Variants in CEP63 observed in about 807,000 individuals in gnomAD.
The protein encoded by CEP63 is centrosomal protein 63.
CEP63 carries 84 observed loss-of-function variants against 89.1 expected under a neutral mutation model. That is an observed-to-expected ratio of 0.94 (90% CI 0.79 to 1.13). CEP63 has a LOEUF of 1.13. Among genes scored for constraint, CEP63 ranks in the 50% most tolerant of loss-of-function variants. The probability of loss-of-function intolerance (pLI) is 0.00; values close to 1 mark genes in which losing one functional copy is unlikely to be tolerated. For missense variants in CEP63, 838 were observed against 813.3 expected, an observed-to-expected ratio of 1.03 and a Z score of -0.37; for synonymous variants, 267 against 272.5, an observed-to-expected ratio of 0.98 and a Z score of 0.20.
the CEP63 span, among the ~76,000 whole-genome samples, chr3:134,659,031 A>G: frequency 2.0e-5 from 3 of 152,180 alleles, no homozygotes; most frequent in Non-Finnish European, 4.4e-5. Flanking sequence ...CTTGCATATA[A>G]TAATGTGCAA....
At chr3:134,727,672 G>A in the CEP63 span, among the ~76,000 whole-genome samples, 3 of 152,102 alleles carry the variant, frequency 2.0e-5, no homozygotes, top group Non-Finnish European at 2.9e-5. Flanking sequence ...ATATTCATAC[G>A]GTAGCTTAAA....
Position 134,525,858 on chromosome 3 carries a change from C to T in CEP63, c.223-5987C>T, listed in dbSNP as rs115495097. Among the ~76,000 whole-genome samples, 735 of 152,228 alleles carry T rather than the reference C, an allele frequency of 4.8e-3. 7 individuals carry two copies. Among genetic ancestry groups the T allele is most frequent in the African/African-American group, 0.017 (703 of 41,538 alleles). Reference sequence around the variant, plus strand: ...TGACCTGATCTTTCTCTCTGGCTGCCGTTAACATTTTTTTCCTTAGTTTCA... The same window carrying T: ...TGACCTGATCTTTCTCTCTGGCTGCTGTTAACATTTTTTTCCTTAGTTTCA... On this transcript the variant is annotated intron_variant, in intron 3 of 14. Transcript: ENST00000675561.
At chr3:134,590,391 C>T (rs1958576560), downstream of CEP63, among the ~76,000 whole-genome samples, 1 of 152,106 alleles carries the variant, frequency 6.6e-6, no homozygotes, top group South Asian at 2.1e-4. Flanking sequence ...TATTTCTACT[C>T]ATTAGAAATA....
At chr3:134,521,674 C>G (rs1003740237) in intron 3 of CEP63, among the ~76,000 whole-genome samples, 1 of 152,294 alleles carries the variant, frequency 6.6e-6, no homozygotes, top group East Asian at 1.9e-4. Flanking sequence ...ACTAGAAGAT[C>G]TGTGAATATC....
chr3:134,710,105 T>TGGCCTGGGACCTC, the CEP63 span, among the ~76,000 whole-genome samples: 1 of 152,214 alleles, frequency 6.6e-6, no homozygotes, highest in Non-Finnish European at 1.5e-5. Context: ...AGTTCCCAGC[T>TGGCCTGGGACCTC]GGCCTGGGAC....
chr3:134,749,368 G>A, the CEP63 span, among the ~76,000 whole-genome samples: 1 of 152,134 alleles, frequency 6.6e-6, no homozygotes, highest in Non-Finnish European at 1.5e-5. Context: ...TTTTGGCTGG[G>A]GTGGACTGGG....
chr3:134,564,370 C>G lies in CEP63; in HGVS notation c.*2835C>G, dbSNP rs772538220. 20 of 985,422 alleles carry G rather than the reference C, an allele frequency of 2.0e-5. No homozygotes were observed. Among genetic ancestry groups the G allele is most frequent in the Middle Eastern group, 1.0e-3 (2 of 1,936 alleles). The allele number at this position is 985,422 out of a possible 1,614,324, so 61.0% of individuals were successfully genotyped here. On this transcript the variant is annotated 3_prime_UTR_variant, in exon 15 of 15. Transcript: ENST00000675561. Reference sequence around the variant, plus strand: ...CTAAAACTCCCCCTTTACTTGGCTACTTTATCTGGCTTGGCAAAGCTTTCC... The same window carrying G: ...CTAAAACTCCCCCTTTACTTGGCTAGTTTATCTGGCTTGGCAAAGCTTTCC...
the CEP63 span, chr3:134,597,886 G>A: frequency 6.6e-6 from 1 of 152,262 alleles, no homozygotes; most frequent in Non-Finnish European, 1.5e-5. Context: ...CTGAACATAT[G>A]ATCTGTGCTG....
intron 9 of CEP63, among the ~76,000 whole-genome samples, 155 bp downstream of exon 9, chr3:134,547,627 T>TTTTTTTTTA (rs1953790874): frequency 4.8e-5 from 6 of 124,796 alleles, no homozygotes; most frequent in African/African-American, 1.8e-4. Flanking sequence ...TTTTTTTTTT[T>TTTTTTTTTA]TTGAGACGGA....
At chr3:134,518,971 G>A (rs999853879) in intron 3 of CEP63, among the ~76,000 whole-genome samples, 5 of 152,030 alleles carry the variant, frequency 3.3e-5, no homozygotes, top group Middle Eastern at 3.4e-3. Context: ...CCATAATAGA[G>A]CCTCTGAATA....
chr3:134,514,883 A>G (rs79412521), intron 3 of CEP63, among the ~76,000 whole-genome samples: 2 of 152,210 alleles, frequency 1.3e-5, no homozygotes, highest in African/African-American at 4.8e-5. Flanking sequence ...ATGAATATTG[A>G]TTGTATAAAA....
the CEP63 span, among the ~76,000 whole-genome samples, chr3:134,601,878 C>T: frequency 6.6e-6 from 1 of 152,364 alleles, no homozygotes; most frequent in South Asian, 2.1e-4. Flanking sequence ...TCAGTCAGGC[C>T]TGGGCAGGGA....
In CEP63 at chr3:134,561,385, G is replaced by T. The variant is rs762771233; in HGVS notation, c.1962G>T (p.Leu654Phe). The change falls in exon 15 of 15, where the codon TTG becomes TTT. Residue 654 changes from leucine to phenylalanine, a missense_variant. Transcript: ENST00000675561. ...ATTTGTGTCTCTTCCAGTGTTCCTT[G>T]CCTGTATCTCCCCTTGGTTCAATAG... ...DQEEFISSCSLPVSPLGSIAT... is the reference protein window; with the variant it reads ...DQEEFISSCSFPVSPLGSIAT... The T allele has an allele frequency of 1.9e-6, 3 of 1,613,704 alleles. No homozygotes were observed. Among genetic ancestry groups the T allele is most frequent in the South Asian group, 1.1e-5 (1 of 91,068 alleles).
At chr3:134,596,107 T>G in the CEP63 span, among the ~76,000 whole-genome samples, 4 of 152,126 alleles carry the variant, frequency 2.6e-5, no homozygotes, top group African/African-American at 9.7e-5. Flanking sequence ...TCAGCTAAAT[T>G]TTTATGTCAC....
the CEP63 span, among the ~76,000 whole-genome samples, chr3:134,737,910 C>T: frequency 6.6e-6 from 1 of 152,140 alleles, no homozygotes; most frequent in Non-Finnish European, 1.5e-5. Flanking sequence ...CATGCGGTCT[C>T]TCAAGGCTTA....
intron 3 of CEP63, among the ~76,000 whole-genome samples, chr3:134,514,522 C>CT (rs2108605100): frequency 6.6e-6 from 1 of 152,042 alleles, no homozygotes; most frequent in South Asian, 2.1e-4. Flanking sequence ...TGGTTGAAAA[C>CT]TAAAGACAAA....
In CEP63 at chr3:134,564,658, T is replaced by G. The variant is rs1957650136; in HGVS notation, c.*3123T>G. 3.0e-6 allele frequency: 3 copies of G among 985,420 alleles called. No homozygotes were observed. Among genetic ancestry groups the G allele is most frequent in the Non-Finnish European group, 3.6e-6 (3 of 829,874 alleles). The allele number at this position is 985,420 out of a possible 1,614,324, so 61.0% of individuals were successfully genotyped here. A position where few individuals can be genotyped will look rare whatever the true frequency, so the allele number is the denominator to read the frequency against. ...ATCTAATGGGGTCGAGAAGATTTAC[T>G]GAAAATATATATTTGAAAGGGCTTT... On this transcript the variant is annotated 3_prime_UTR_variant, in exon 15 of 15. Transcript: ENST00000675561.
the CEP63 span, among the ~76,000 whole-genome samples, chr3:134,730,685 AT>A: frequency 8.5e-5 from 13 of 152,110 alleles, no homozygotes; most frequent in East Asian, 1.2e-3. Flanking sequence ...ACTTAAAAAA[AT>A]GAAAATAGTA....
chr3:134,542,475 C>G (rs951476166), intron 6 of CEP63, among the ~76,000 whole-genome samples: 1 of 152,160 alleles, frequency 6.6e-6, no homozygotes, highest in Non-Finnish European at 1.5e-5. Flanking sequence ...AGTGGAAATG[C>G]TGTGAGGCTG....
Sources: allele counts gnomAD v4.1 joint callset (sites outside exome capture counted in the v4.1 genomes callset), GRCh38; gene constraint gnomAD v4.1.1; transcripts MANE v1.5; gene names NCBI Gene and HGNC (gene_info 2026-07-23, HGNC 2026-07-21).